SGCD: variants seen among roughly 807,000 people sequenced by gnomAD.
SGCD encodes the protein delta-sarcoglycan.
Under a neutral mutation model 36.6 loss-of-function variants are expected in SGCD, and 18 were observed. The ratio of observed to expected loss-of-function variants is 0.49; its 90% CI spans 0.34 to 0.73. The LOEUF (loss-of-function observed/expected upper bound fraction) is 0.73, where lower values mean the gene tolerates loss of function less well. Among genes scored for constraint, SGCD ranks in the 30% least tolerant of loss-of-function variants. SGCD has a pLI of 0.01. For missense variants in SGCD, 387 were observed against 346.7 expected, an observed-to-expected ratio of 1.12 and a Z score of -0.92; for synonymous variants, 133 against 130.6, an observed-to-expected ratio of 1.02 and a Z score of -0.12.
At chr5:155,749,005 C>T in the SGCD span, among the ~76,000 whole-genome samples, 1 of 152,116 alleles carries the variant, frequency 6.6e-6, no homozygotes, top group Non-Finnish European at 1.5e-5. Flanking sequence ...ATAATGACAA[C>T]TGTGGTTTAT....
At chr5:155,950,325 C>T (rs1757524761) in intron 1 of SGCD, among the ~76,000 whole-genome samples, 1 of 152,182 alleles carries the variant, frequency 6.6e-6, no homozygotes. Flanking sequence ...TCAAGAGAGT[C>T]TCTGTCTTGC....
intron 4 of SGCD, among the ~76,000 whole-genome samples, chr5:156,581,881 G>T (rs1760276791): frequency 6.6e-6 from 1 of 152,110 alleles, no homozygotes. Flanking sequence ...TGCTTCCCTG[G>T]TGAGGCGATG....
intron 3 of SGCD, among the ~76,000 whole-genome samples, chr5:156,451,745 A>C (rs1754027887): frequency 6.6e-6 from 1 of 152,188 alleles, no homozygotes; most frequent in Non-Finnish European, 1.5e-5. Flanking sequence ...GAAGAATATC[A>C]AACTACAATA....
At chr5:155,916,237 G>T (rs1025142117) in intron 1 of SGCD, among the ~76,000 whole-genome samples, 1 of 152,162 alleles carries the variant, frequency 6.6e-6, no homozygotes, top group East Asian at 1.9e-4. Flanking sequence ...TTTTAGAGAC[G>T]AGTGAAAAAT....
intron 3 of SGCD, among the ~76,000 whole-genome samples, chr5:156,491,092 A>G (rs1755917359): frequency 6.6e-6 from 1 of 152,092 alleles, no homozygotes; most frequent in African/African-American, 2.4e-5. Flanking sequence ...TATAATTGCT[A>G]CCAATAAAAA....
At chr5:155,823,898 C>A in the SGCD span, among the ~76,000 whole-genome samples, 2 of 152,136 alleles carry the variant, frequency 1.3e-5, no homozygotes, top group East Asian at 1.9e-4. Flanking sequence ...TGTTCTTGTT[C>A]TAATCCCAGA....
At chr5:155,775,045 T>G in the SGCD span, among the ~76,000 whole-genome samples, 45 of 152,312 alleles carry the variant, frequency 3.0e-4, no homozygotes, top group African/African-American at 9.9e-4. Context: ...AACAAGGAAT[T>G]CAGTGATCTA....
chr5:156,144,979 T>C (rs1280371296), intron 3 of SGCD, among the ~76,000 whole-genome samples: 1 of 152,194 alleles, frequency 6.6e-6, no homozygotes, highest in African/African-American at 2.4e-5. Flanking sequence ...GAGGGCATGA[T>C]TGTATTTTGA....
chr5:156,490,656 C>T (rs1755894966), intron 3 of SGCD, among the ~76,000 whole-genome samples: 1 of 151,956 alleles, frequency 6.6e-6, no homozygotes, highest in Non-Finnish European at 1.5e-5. Context: ...AATTCAACGT[C>T]CCTTAATGAT....
chr5:155,879,149 A>G (rs1332662247), intron 1 of SGCD, among the ~76,000 whole-genome samples: 1 of 152,172 alleles, frequency 6.6e-6, no homozygotes, highest in Non-Finnish European at 1.5e-5. Context: ...GCCATGCCAT[A>G]GAAAGATTAC....
rs191043550 is a variant in SGCD, at chr5:156,745,119, G to T, written c.576-12462G>T. Among the ~76,000 whole-genome samples, 41 of 152,170 alleles carry T rather than the reference G, an allele frequency of 2.7e-4. No homozygotes were observed. In the South Asian group the frequency reaches 3.1e-3, roughly 12 times the overall value. On this transcript the variant is annotated intron_variant, in intron 7 of 8. Transcript: ENST00000337851. ...AACAAATCTTGGGGTTCACTGAGGT[G>T]GGGAGTCTTAGAGATTTCACAGATG...
At chr5:156,227,820 G>A (rs780319769) in intron 3 of SGCD, among the ~76,000 whole-genome samples, 6 of 151,958 alleles carry the variant, frequency 3.9e-5, no homozygotes, top group African/African-American at 7.3e-5. Flanking sequence ...GCTGTCTCCC[G>A]GGGGTTTTGA....
At position 156,594,984 on chromosome 5, in the gene SGCD, T is replaced by G; in HGVS notation, c.435T>G (p.Ser145=). Residue 145 remains serine, a synonymous_variant, in exon 6 of 9, where the codon TCT becomes TCG. Transcript: ENST00000337851. ...AAAAATTTGAGGTAAAAACTGTTTC[T>G]GGAAAATTGCTCTTCTCTGCAGACA... The part of the protein sequence containing the change: ...YGKKFEVKTV[S]GKLLFSADNN... 1 of 1,612,656 alleles carries G rather than the reference T, an allele frequency of 6.2e-7. No homozygotes were observed.
intron 3 of SGCD, among the ~76,000 whole-genome samples, chr5:156,420,848 A>G (rs1773271282): frequency 6.6e-6 from 1 of 152,132 alleles, no homozygotes; most frequent in Non-Finnish European, 1.5e-5. Flanking sequence ...GGATGTTATG[A>G]TTCTGAAATG....
intron 4 of SGCD, among the ~76,000 whole-genome samples, chr5:156,529,914 C>T (rs1757816328): frequency 6.6e-6 from 1 of 152,108 alleles, no homozygotes; most frequent in African/African-American, 2.4e-5. Context: ...ATGATTCTTC[C>T]TCTAGGCAAA....
rs1484654451 is a variant in SGCD, at chr5:156,475,356, A to G, written c.193-33245A>G. Among the ~76,000 whole-genome samples, 5 of 152,140 alleles carry G rather than the reference A, an allele frequency of 3.3e-5. No individual in the cohort carries two copies. In the South Asian group the frequency reaches 1.0e-3, roughly 31 times the overall value. ...TTTGCAACTGTCCCTGCTCTGTCATAGTGACAGTTCAGACTATGGGTCCTT... is the reference window on the plus strand; with the variant it reads ...TTTGCAACTGTCCCTGCTCTGTCATGGTGACAGTTCAGACTATGGGTCCTT... On this transcript the variant is annotated intron_variant, in intron 3 of 8. Coordinates refer to ENST00000337851, the MANE Select transcript of SGCD (RefSeq NM_000337.6).
Position 156,058,106 on chromosome 5 carries a change from G to A in SGCD, c.-281-59772G>A, listed in dbSNP as rs567995074. On this transcript the variant is annotated intron_variant, in intron 1 of 9. Coordinates refer to the SGCD transcript ENST00000517913. The stretch of plus-strand genomic sequence containing the variant: ...ATAAAATGGGTGAACCAAATTATAT[G>A]GGCTTCTGGTGCAAAGACCACACCA... 1.4e-5 allele frequency among the ~76,000 whole-genome samples: 2 copies of A among 145,888 alleles called. 1 individual carries two copies. Among genetic ancestry groups the A allele is most frequent in the Non-Finnish European group, 3.1e-5 (2 of 64,692 alleles).
At chr5:155,857,628 G>A in the SGCD span, among the ~76,000 whole-genome samples, 1 of 152,172 alleles carries the variant, frequency 6.6e-6, no homozygotes, top group Admixed American at 6.5e-5. Context: ...AGGTCACTGG[G>A]AAGTGGGGGT....
chr5:155,861,421 G>C, the SGCD span, among the ~76,000 whole-genome samples: 1 of 151,592 alleles, frequency 6.6e-6, no homozygotes, highest in Non-Finnish European at 1.5e-5. Context: ...TGCCCATCCT[G>C]ACTGGACACG....
Sources: gnomAD v4.1 joint callset for allele counts (sites outside exome capture counted in the v4.1 genomes callset) on GRCh38, gnomAD v4.1.1 for gene constraint, MANE v1.5 for transcripts, NCBI Gene and HGNC (gene_info 2026-07-23, HGNC 2026-07-21) for gene names.